Variants in BPIFB1 observed in about 807,000 individuals in gnomAD.
The protein encoded by BPIFB1 is BPI fold-containing family B member 1.
BPIFB1 carries 34 observed loss-of-function variants against 55.1 expected under a neutral mutation model. The ratio of observed to expected loss-of-function variants is 0.62; its 90% CI spans 0.47 to 0.82. BPIFB1 has a LOEUF of 0.82. Ranked by LOEUF, BPIFB1 falls within the 40% of genes least tolerant of loss-of-function variation. The pLI is 0.00. For synonymous variants in BPIFB1, 236 were observed against 245.3 expected (o/e 0.96, Z 0.35); for missense variants, 532 against 593.1 (o/e 0.90, Z 1.07).
chr20:33,305,290 T>C (rs1361429540), intron 13 of BPIFB1, among the ~76,000 whole-genome samples: 1 of 151,354 alleles, frequency 6.6e-6, no homozygotes, highest in African/African-American at 2.4e-5. Context: ...CTCTGGTTTT[T>C]ATGATTTGTT....
intron 3 of BPIFB1, 135 bp from the exon 4 acceptor site, chr20:33,289,750 G>T (rs1192629208): frequency 5.6e-6 from 4 of 718,926 alleles, no homozygotes; most frequent in Admixed American, 2.0e-5. Flanking sequence ...AGACCATCTG[G>T]AGAGGAGTCG....
chr20:33,289,021 G>C, intron 3 of BPIFB1, 139 bp downstream of exon 3: 2 of 1,003,902 alleles, frequency 2.0e-6, no homozygotes, highest in Non-Finnish European at 2.8e-6. Context: ...AAGCCCCTCC[G>C]TCAAGAAGCT....
At chr20:33,287,828 C>G (rs971138707) in intron 2 of BPIFB1, among the ~76,000 whole-genome samples, 12 of 152,200 alleles carry the variant, frequency 7.9e-5, no homozygotes, top group Admixed American at 2.6e-4. Flanking sequence ...GCAAAAGCCA[C>G]TGGGCAGTGA....
At position 33,304,001 on chromosome 20, in the gene BPIFB1, T is replaced by A; in HGVS notation, c.1184T>A (p.Leu395His). The A allele has an allele frequency of 6.2e-7, 1 of 1,613,234 alleles. No individual in the cohort carries two copies. The highest frequency in any genetic ancestry group is 2.2e-5 in the East Asian group (1 of 44,864). Reference protein sequence around the residue: ...EAQFYTKGDQLILNLNNISSD... With the variant: ...EAQFYTKGDQHILNLNNISSD... Reference sequence around the variant, plus strand: ...CAGTTTTACACCAAAGGTGACCAACTTATACTCAACTTGAATAACATCAGG... The same window carrying A: ...CAGTTTTACACCAAAGGTGACCAACATATACTCAACTTGAATAACATCAGG... The change falls in exon 12 of 16, where the codon CTT (leucine) becomes CAT (histidine). Residue 395 changes from leucine to histidine, a missense_variant. Coordinates refer to ENST00000253354, the MANE Select transcript of BPIFB1 (RefSeq NM_033197.3).
At position 33,301,267 on chromosome 20, in the gene BPIFB1, A is replaced by C; in HGVS notation, c.782A>C (p.Lys261Thr). Residue 261 changes from lysine to threonine, a missense_variant, in exon 9 of 16, where the codon AAG becomes ACG. Lys to Thr is a moderately conservative substitution (Grantham distance 78, BLOSUM62 -1). Coordinates refer to ENST00000253354, the MANE Select transcript of BPIFB1 (RefSeq NM_033197.3). ...TTGGACTCACAGGGAAAGGTGACCA[A>C]GTGGTTCAATAACTCTGCAGCTTCC... is the stretch of plus-strand genomic sequence containing the variant. ...KLLDSQGKVT[K>T]WFNNSAASLT... 6.2e-7 allele frequency: 1 copy of C among 1,614,198 alleles called. No individual in the cohort carries two copies. The highest frequency in any genetic ancestry group is 8.5e-7 in the Non-Finnish European group (1 of 1,180,016).
Position 33,303,958 on chromosome 20 carries a change from GA to G in BPIFB1, c.1143del (p.Ala382ProfsTer18). On this transcript the variant is annotated frameshift_variant and splice_region_variant, in exon 12 of 16. Transcript: ENST00000253354. LOFTEE classifies it high-confidence loss of function. ...GGGGCCTGGGCTTCTCTTGTTGCAGGAAGCCAGCTCGGAAGCTCAGTTTTAC... is the reference window on the plus strand; with the variant it reads ...GGGGCCTGGGCTTCTCTTGTTGCAGGAGCCAGCTCGGAAGCTCAGTTTTAC... The part of the protein sequence containing the change: ...ALRPLFTLGI[E>X]ASSEAQFYTK... The G allele has an allele frequency of 1.2e-6, 2 of 1,613,968 alleles. No homozygotes were observed. Among genetic ancestry groups the G allele is most frequent in the Non-Finnish European group, 1.7e-6 (2 of 1,179,970 alleles).
At chr20:33,287,470 G>C (rs1980305905) in intron 2 of BPIFB1, among the ~76,000 whole-genome samples, 1 of 152,234 alleles carries the variant, frequency 6.6e-6, no homozygotes, top group Non-Finnish European at 1.5e-5. Context: ...GGAAGAATGA[G>C]GAATTGGCTA....
chr20:33,286,623 G>A (rs777590440), intron 2 of BPIFB1, among the ~76,000 whole-genome samples: 1 of 152,204 alleles, frequency 6.6e-6, no homozygotes, highest in Non-Finnish European at 1.5e-5. Flanking sequence ...CTGGGGCACT[G>A]GGCCAGTCCC....
intron 4 of BPIFB1, 131 bp from the exon 5 acceptor site, chr20:33,290,826 G>A: frequency 6.1e-6 from 6 of 980,712 alleles, no homozygotes; most frequent in Non-Finnish European, 8.9e-6. Context: ...GTGAAGTTGG[G>A]TGAAGATGAG....
chr20:33,297,442 G>C, intron 6 of BPIFB1, 83 bp from the exon 7 acceptor site: 1 of 1,467,080 alleles, frequency 6.8e-7, no homozygotes, highest in Non-Finnish European at 9.5e-7. Flanking sequence ...ACACAGGCCA[G>C]GTGGGCTGGG....
intron 4 of BPIFB1, 105 bp from the exon 5 acceptor site, chr20:33,290,852 G>C: frequency 3.9e-6 from 5 of 1,274,518 alleles, no homozygotes; most frequent in Non-Finnish European, 5.4e-6. Context: ...ACCAGCAAAG[G>C]AGACTGAGGA....
chr20:33,308,826 A>C (rs1052145591), intron 15 of BPIFB1, among the ~76,000 whole-genome samples: 2 of 151,216 alleles, frequency 1.3e-5, no homozygotes, highest in African/African-American at 4.9e-5. Flanking sequence ...CTACACACAC[A>C]CATACACACA....
chr20:33,284,801 G>C (rs760426997), intron 1 of BPIFB1, among the ~76,000 whole-genome samples: 25 of 152,138 alleles, frequency 1.6e-4, no homozygotes, highest in Non-Finnish European at 2.6e-4. Context: ...CCTGTGGAGG[G>C]AGGGGACAGA....
In BPIFB1 at chr20:33,302,975, GT is replaced by G; in HGVS notation, c.1047del (p.Phe349LeufsTer2). 5 of 1,614,174 alleles carry G rather than the reference GT, an allele frequency of 3.1e-6. No individual in the cohort carries two copies. The highest frequency in any genetic ancestry group is 4.2e-6 in the Non-Finnish European group (5 of 1,180,026). On this transcript the variant is annotated frameshift_variant, in exon 11 of 16. Transcript: ENST00000253354. LOFTEE classifies it high-confidence loss of function. ...AGATCCTAACTCAGGACACTCCCGAGTTTTTTATAGACCAAGGCCATGCCAA... is the reference window on the plus strand; with the variant it reads ...AGATCCTAACTCAGGACACTCCCGAGTTTTTATAGACCAAGGCCATGCCAA... ...VKILTQDTPE[F>X]FIDQGHAKVA...
At chr20:33,284,830 T>C (rs112676441) in intron 1 of BPIFB1, among the ~76,000 whole-genome samples, 1,771 of 152,188 alleles carry the variant, frequency 0.012, 34 homozygotes, top group African/African-American at 0.041. Flanking sequence ...GGGGCCAGAA[T>C]ACCCCCAAGC....
At chr20:33,289,395 CAA>C (rs1267786219) in intron 3 of BPIFB1, among the ~76,000 whole-genome samples, 1 of 105,830 alleles carries the variant, frequency 9.4e-6, no homozygotes, top group African/African-American at 3.9e-5. Flanking sequence ...AAAAAAAAAA[CAA>C]AAAAAAAAAA....
chr20:33,295,687 A>AG, intron 6 of BPIFB1, among the ~76,000 whole-genome samples: 22 of 146,538 alleles, frequency 1.5e-4, no homozygotes, highest in African/African-American at 5.5e-4. Flanking sequence ...AAAGAGAGAA[A>AG]AAAAGGGAGA....
At chr20:33,308,727 T>C (rs969917541) in intron 15 of BPIFB1, among the ~76,000 whole-genome samples, 4 of 150,208 alleles carry the variant, frequency 2.7e-5, no homozygotes, top group African/African-American at 4.9e-5. Context: ...TACATATACA[T>C]ACACACACAC....
In BPIFB1 at chr20:33,309,609, C is replaced by A; in HGVS notation, c.1396-99C>A. 2 of 1,149,168 alleles carry A rather than the reference C, an allele frequency of 1.7e-6. No homozygotes were observed. Among genetic ancestry groups the A allele is most frequent in the East Asian group, 2.4e-5 (1 of 42,354 alleles). 71.2% of individuals were successfully genotyped at this position (1,149,168 alleles called of 1,614,324 possible). ...TTTGTGGGTTCAGGGTCATGGTCCC[C>A]CGGTGCCAGCAGTCACCTTATGGAG... On this transcript the variant is annotated intron_variant, in intron 15 of 15. Coordinates refer to ENST00000253354, the MANE Select transcript of BPIFB1 (RefSeq NM_033197.3). This position sits in a 1 kb window ranked among gnomAD's most constrained non-coding sequence, Gnocchi z 4.4.
Sources: gnomAD v4.1 joint callset for allele counts (sites outside exome capture counted in the v4.1 genomes callset) on GRCh38, gnomAD v4.1.1 for gene constraint, Gnocchi (gnomAD v3.1) non-coding constraint, MANE v1.5 for transcripts, NCBI Gene and HGNC (gene_info 2026-07-23, HGNC 2026-07-21) for gene names.